Variants in ROBO2 observed in about 807,000 individuals in gnomAD.
ROBO2 encodes roundabout homolog 2.
A neutral mutation model predicts 160.8 loss-of-function variants in ROBO2; 53 were observed. That is an observed-to-expected ratio of 0.33 (90% CI 0.26 to 0.41). The LOEUF is 0.41. ROBO2 is among the 10% of genes least tolerant of loss of function. ROBO2 has a pLI of 1.00. For missense variants in ROBO2, 1,577 were observed against 1,722.4 expected, an observed-to-expected ratio of 0.92 and a Z score of 1.49; for synonymous variants, 664 against 611.7, an observed-to-expected ratio of 1.09 and a Z score of -1.26.
chr3:77,605,211 A>G (rs533296256), intron 20 of ROBO2, among the ~76,000 whole-genome samples: 29 of 150,116 alleles, frequency 1.9e-4, no homozygotes, highest in Non-Finnish European at 4.3e-4. Context: ...CATATATATT[A>G]ATATACACAC....
intron 2 of ROBO2, among the ~76,000 whole-genome samples, chr3:76,807,695 A>C (rs2064840915): frequency 6.6e-6 from 1 of 152,090 alleles, no homozygotes; most frequent in Non-Finnish European, 1.5e-5. Context: ...GTCCTCTTGT[A>C]AAGGAGTATG....
At position 77,648,402 on chromosome 3, in the gene ROBO2, T is replaced by G. The variant is rs1583504815; in HGVS notation, c.*2347T>G. ...CCAAGGCTTCAAAGTGAAGTATGTG[T>G]GTGCAGATGACTTTTGGAATAACGT... On this transcript the variant is annotated 3_prime_UTR_variant, in exon 26 of 26. Transcript: ENST00000461745. 3 of 152,312 alleles carry G rather than the reference T, an allele frequency of 2.0e-5. No individual in the cohort carries two copies. In the East Asian group the frequency reaches 5.8e-4, roughly 29 times the overall value. 9.4% of individuals were successfully genotyped at this position (152,312 alleles called of 1,614,324 possible). A position where few individuals can be genotyped will look rare whatever the true frequency, so the allele number is the denominator to read the frequency against.
At chr3:76,422,822 A>G (rs1232293274) in intron 2 of ROBO2, among the ~76,000 whole-genome samples, 1 of 152,216 alleles carries the variant, frequency 6.6e-6, no homozygotes, top group African/African-American at 2.4e-5. Context: ...TAGTCCACTC[A>G]TCCATAAAAT....
chr3:76,962,016 T>C (rs539175612), intron 2 of ROBO2, among the ~76,000 whole-genome samples: 56 of 152,204 alleles, frequency 3.7e-4, no homozygotes, highest in Admixed American at 6.5e-4. Context: ...GTGGTCAACA[T>C]AGCAACACCT....
intron 2 of ROBO2, among the ~76,000 whole-genome samples, chr3:77,296,768 A>C (rs2062175348): frequency 6.6e-6 from 1 of 152,104 alleles, no homozygotes; most frequent in African/African-American, 2.4e-5. Context: ...GCAGGACAAA[A>C]GAGGAGGGAC....
chr3:76,187,660 A>G (rs1237672879), intron 2 of ROBO2, among the ~76,000 whole-genome samples: 1 of 152,072 alleles, frequency 6.6e-6, no homozygotes, highest in Non-Finnish European at 1.5e-5. Flanking sequence ...CATTTATTCA[A>G]ACCAGAAACA....
At chr3:77,300,443 A>C (rs1490106713) in intron 2 of ROBO2, among the ~76,000 whole-genome samples, 2 of 152,150 alleles carry the variant, frequency 1.3e-5, no homozygotes, top group African/African-American at 4.8e-5. Context: ...TGTAGAGAGC[A>C]TGAATGTAGC....
rs544234004 is a variant in ROBO2 at position 76,921,473 on chromosome 3, G to A, written c.110-176541G>A. ...CTAAAAGTACAAAAATTAGCTGGGCGTGGTGACGCACACTTGTAATCCCAG... is the reference window on the plus strand; with the variant it reads ...CTAAAAGTACAAAAATTAGCTGGGCATGGTGACGCACACTTGTAATCCCAG... On this transcript the variant is annotated intron_variant, in intron 2 of 26. Transcript: ENST00000487694. 3.3e-5 allele frequency among the ~76,000 whole-genome samples: 5 copies of A among 152,188 alleles called. No homozygotes were observed. The East Asian group carries it at 7.8e-4, about 24-fold the overall frequency.
intron 2 of ROBO2, among the ~76,000 whole-genome samples, chr3:77,099,071 C>CTTTTTTTTTTTTT (rs750626067): frequency 2.5e-5 from 3 of 121,250 alleles, no homozygotes; most frequent in African/African-American, 3.1e-5. Context: ...TTCTTTCTTT[C>CTTTTTTTTTTTTT]TTTTTTTTTT....
intron 2 of ROBO2, among the ~76,000 whole-genome samples, chr3:76,303,466 A>G (rs2071173952): frequency 1.3e-5 from 2 of 152,242 alleles, no homozygotes; most frequent in African/African-American, 4.8e-5. Context: ...TGCATTTCAG[A>G]GGTACACAGA....
At chr3:77,485,180 A>G (rs2085199407) in intron 4 of ROBO2, among the ~76,000 whole-genome samples, 1 of 152,042 alleles carries the variant, frequency 6.6e-6, no homozygotes, top group Admixed American at 6.6e-5. Context: ...CCCTCTTTTC[A>G]GAAGGGGTTC....
Position 76,661,236 on chromosome 3 carries a change from G to A in ROBO2, c.110-436778G>A, listed in dbSNP as rs537937808. Among the ~76,000 whole-genome samples the A allele has an allele frequency of 2.4e-4, 36 of 152,168 alleles. No individual in the cohort carries two copies. In the South Asian group the frequency reaches 7.1e-3, roughly 30 times the overall value. ...CCTGGAAGTTCCTGGCTCTATGTAG[G>A]CCAAACCAGAAAGATTGAACAAGAA... On this transcript the variant is annotated intron_variant, in intron 2 of 26. Coordinates refer to the ROBO2 transcript ENST00000487694.
intron 2 of ROBO2, among the ~76,000 whole-genome samples, chr3:77,221,155 G>C (rs1274991452): frequency 6.6e-6 from 1 of 152,132 alleles, no homozygotes. Flanking sequence ...CATGGCTCTA[G>C]TGGTTCATAC....
At chr3:76,190,136 T>C (rs1212781527) in intron 2 of ROBO2, among the ~76,000 whole-genome samples, 1 of 152,138 alleles carries the variant, frequency 6.6e-6, no homozygotes, top group Non-Finnish European at 1.5e-5. Context: ...GGCTTGATTG[T>C]TTATCTCACA....
chr3:76,977,669 A>G (rs1006575108), intron 2 of ROBO2, among the ~76,000 whole-genome samples: 1 of 152,170 alleles, frequency 6.6e-6, no homozygotes, highest in Non-Finnish European at 1.5e-5. Context: ...GAGGAAAGCT[A>G]TAACATTTCT....
chr3:76,152,829 T>C (rs908859042), intron 2 of ROBO2, among the ~76,000 whole-genome samples: 1 of 152,198 alleles, frequency 6.6e-6, no homozygotes, highest in Non-Finnish European at 1.5e-5. Flanking sequence ...ATTATTCAGA[T>C]AAATATTGCT....
chr3:76,682,422 C>CACTTTTT (rs58209079), intron 2 of ROBO2, among the ~76,000 whole-genome samples: 1 of 151,308 alleles, frequency 6.6e-6, no homozygotes, highest in African/African-American at 2.4e-5. Flanking sequence ...TTAAAAATTT[C>CACTTTTT]TTTTGAGACG....
intron 2 of ROBO2, among the ~76,000 whole-genome samples, chr3:76,308,942 A>G (rs1402929327): frequency 6.6e-6 from 1 of 152,230 alleles, no homozygotes; most frequent in African/African-American, 2.4e-5. Flanking sequence ...TTTCTTAGTA[A>G]CCTTGTTCCG....
chr3:76,939,663 A>C (rs1481449924), intron 2 of ROBO2, among the ~76,000 whole-genome samples: 1 of 152,120 alleles, frequency 6.6e-6, no homozygotes, highest in Non-Finnish European at 1.5e-5. Flanking sequence ...GCATGCCTGT[A>C]ATCTCAGCTT....
Sources: allele counts gnomAD v4.1 joint callset (sites outside exome capture counted in the v4.1 genomes callset), GRCh38; gene constraint gnomAD v4.1.1; transcripts MANE v1.5; gene names NCBI Gene and HGNC (gene_info 2026-07-23, HGNC 2026-07-21).